Variants in GPM6A observed in about 807,000 individuals in gnomAD.
GPM6A encodes glycoprotein M6A.
GPM6A carries 7 observed loss-of-function variants against 32.1 expected under a neutral mutation model. The observed-to-expected ratio is 0.22, with a 90% CI of 0.12 to 0.41. The LOEUF (loss-of-function observed/expected upper bound fraction) is 0.41, where lower values mean the gene tolerates loss of function less well. Among genes scored for constraint, GPM6A ranks in the 10% least tolerant of loss-of-function variants. The probability of loss-of-function intolerance (pLI) is 1.00; values close to 1 mark genes in which losing one functional copy is unlikely to be tolerated. For synonymous variants in GPM6A, 130 were observed against 123.4 expected, an observed-to-expected ratio of 1.05 and a Z score of -0.35; for missense variants, 235 against 347.2, an observed-to-expected ratio of 0.68 and a Z score of 2.57.
intron 1 of GPM6A, among the ~76,000 whole-genome samples, chr4:175,770,870 C>G (rs1733159954): frequency 1.3e-5 from 2 of 152,162 alleles, no homozygotes; most frequent in Admixed American, 1.3e-4. Flanking sequence ...TCACAACAAC[C>G]TAGCCGATTT....
chr4:175,982,859 A>G (rs1177214799), intron 1 of GPM6A, among the ~76,000 whole-genome samples: 1 of 152,174 alleles, frequency 6.6e-6, no homozygotes, highest in African/African-American at 2.4e-5. Flanking sequence ...CCTCCAATCA[A>G]TTAATGTGGT....
chr4:175,947,281 A>G (rs1048360032), intron 1 of GPM6A, among the ~76,000 whole-genome samples: 3 of 151,986 alleles, frequency 2.0e-5, no homozygotes, highest in Non-Finnish European at 4.4e-5. Flanking sequence ...AACATTTAGC[A>G]TTAGAAAATC....
intron 1 of GPM6A, among the ~76,000 whole-genome samples, chr4:175,900,339 AAAGGAAAGGAAAAGAAAGGAAAGG>A (rs1737923258): frequency 6.8e-6 from 1 of 147,182 alleles, no homozygotes; most frequent in African/African-American, 2.5e-5. Context: ...AAAGGAAAGG[AAAGGAAAGGAAAAGAAAGGAAAGG>A]AAAAGAAAGG....
At chr4:175,637,273 A>G (rs1560841870) in intron 6 of GPM6A, among the ~76,000 whole-genome samples, 1 of 51,300 alleles carries the variant, frequency 1.9e-5, no homozygotes, top group African/African-American at 6.9e-5. Flanking sequence ...TATATTATAT[A>G]TTATATATTA....
rs1740482609 is a variant in GPM6A, at chr4:175,634,786, T to C, written c.*119A>G. Reference sequence around the variant, plus strand: ...GAATTGTACTCAGGTGATTCATAAGTCACCTTACATATCATTGATGAGAAG... The same window carrying C: ...GAATTGTACTCAGGTGATTCATAAGCCACCTTACATATCATTGATGAGAAG... On this transcript the variant is annotated 3_prime_UTR_variant, in exon 7 of 7. Transcript: ENST00000393658. The C allele has an allele frequency of 1.4e-6, 1 of 699,158 alleles. No homozygotes were observed. The highest frequency in any genetic ancestry group is 2.4e-6 in the Non-Finnish European group (1 of 412,480). The allele number at this position is 699,158 out of a possible 1,614,324, so 43.3% of individuals were successfully genotyped here. A position where few individuals can be genotyped will look rare whatever the true frequency, so the allele number is the denominator to read the frequency against.
chr4:175,643,697 T>A (rs1316450425), intron 4 of GPM6A, among the ~76,000 whole-genome samples: 1 of 152,102 alleles, frequency 6.6e-6, no homozygotes, highest in Non-Finnish European at 1.5e-5. Flanking sequence ...TTAACTGTCT[T>A]TCTAAAATAA....
intron 1 of GPM6A, among the ~76,000 whole-genome samples, chr4:175,879,140 C>T (rs562352967): frequency 1.8e-4 from 28 of 152,238 alleles, no homozygotes; most frequent in African/African-American, 6.7e-4. Flanking sequence ...ATTTCATTGC[C>T]CATATCATTA....
intron 2 of GPM6A, among the ~76,000 whole-genome samples, chr4:175,694,736 T>G (rs1744481010): frequency 6.6e-6 from 1 of 152,194 alleles, no homozygotes; most frequent in Non-Finnish European, 1.5e-5. Flanking sequence ...AGTGGTGGAA[T>G]TCAAGCAGGC....
At chr4:175,724,299 C>A (rs1188453685) in intron 1 of GPM6A, among the ~76,000 whole-genome samples, 6 of 152,220 alleles carry the variant, frequency 3.9e-5, no homozygotes, top group Non-Finnish European at 1.5e-5. Context: ...AATCCCAGCA[C>A]TTTGGGAGGC....
At chr4:175,791,801 T>A (rs1252814920) in intron 1 of GPM6A, among the ~76,000 whole-genome samples, 1 of 152,066 alleles carries the variant, frequency 6.6e-6, no homozygotes, top group South Asian at 2.1e-4. Flanking sequence ...TTCTGTAACA[T>A]GAGCAAACTA....
chr4:175,847,651 A>C (rs955075246), intron 1 of GPM6A, among the ~76,000 whole-genome samples: 1 of 152,182 alleles, frequency 6.6e-6, no homozygotes, highest in African/African-American at 2.4e-5. Context: ...AAGCCATAAA[A>C]TGCTTCCTTT....
At chr4:175,868,919 A>G (rs2111434542) in intron 1 of GPM6A, among the ~76,000 whole-genome samples, 1 of 152,300 alleles carries the variant, frequency 6.6e-6, no homozygotes, top group African/African-American at 2.4e-5. Flanking sequence ...GCTATTGATG[A>G]CTTACTATTG....
At chr4:175,979,315 A>G (rs1169473047) in intron 1 of GPM6A, among the ~76,000 whole-genome samples, 2 of 152,176 alleles carry the variant, frequency 1.3e-5, no homozygotes, top group Non-Finnish European at 2.9e-5. Flanking sequence ...CAACTTTTCC[A>G]GGTGGTATAG....
intron 1 of GPM6A, among the ~76,000 whole-genome samples, chr4:175,923,384 C>CT (rs1432078462): frequency 6.7e-6 from 1 of 148,546 alleles, no homozygotes; most frequent in African/African-American, 2.5e-5. Context: ...TACGAGATAC[C>CT]TGGGAAAGTA....
In GPM6A at chr4:175,698,827, G is replaced by A. The variant is rs78480829; in HGVS notation, c.230+2748C>T. On this transcript the variant is annotated intron_variant, in intron 2 of 6. Transcript: ENST00000393658. The stretch of plus-strand genomic sequence containing the variant: ...TTAATACATAATATAACAGAGCAAA[G>A]GTAAAACTACCAAATTAAGCATATA... Among the ~76,000 whole-genome samples the A allele has an allele frequency of 7.3e-3, 1,104 of 152,130 alleles. 47 individuals carry two copies. In the East Asian group the frequency reaches 0.11, roughly 15 times the overall value.
chr4:175,825,486 G>A (rs1735404868), intron 1 of GPM6A, among the ~76,000 whole-genome samples: 1 of 152,110 alleles, frequency 6.6e-6, no homozygotes, highest in Non-Finnish European at 1.5e-5. Flanking sequence ...GATTTCAGAA[G>A]AGGAATGTAA....
intron 1 of GPM6A, among the ~76,000 whole-genome samples, chr4:175,796,296 A>T (rs1401638007): frequency 6.6e-6 from 1 of 152,174 alleles, no homozygotes; most frequent in African/African-American, 2.4e-5. Flanking sequence ...TTTAGCATGG[A>T]CAAGGAGGCG....
chr4:175,715,956 G>A (rs1015922253), intron 1 of GPM6A, among the ~76,000 whole-genome samples: 52 of 152,188 alleles, frequency 3.4e-4, no homozygotes, highest in Admixed American at 1.2e-3. Context: ...TCACAGCTAC[G>A]TGGGAGGCTG....
At chr4:175,642,495 A>C (rs1315158710) in intron 4 of GPM6A, among the ~76,000 whole-genome samples, 4 of 152,170 alleles carry the variant, frequency 2.6e-5, no homozygotes, top group African/African-American at 9.7e-5. Context: ...TTTCTTATAA[A>C]GATAATAATG....
Sources: gnomAD v4.1 joint callset for allele counts (sites outside exome capture counted in the v4.1 genomes callset) on GRCh38, gnomAD v4.1.1 for gene constraint, MANE v1.5 for transcripts, NCBI Gene and HGNC (gene_info 2026-07-23, HGNC 2026-07-21) for gene names.